CASZ1: variants seen among roughly 807,000 people sequenced by gnomAD.
The protein encoded by CASZ1 is castor zinc finger 1.
CASZ1 carries 28 observed loss-of-function variants against 135.2 expected under a neutral mutation model. That is an observed-to-expected ratio of 0.21 (90% CI 0.15 to 0.28). The LOEUF (loss-of-function observed/expected upper bound fraction) is 0.28. Among genes scored for constraint, CASZ1 ranks in the 10% least tolerant of loss-of-function variants. CASZ1 has a pLI of 1.00. For synonymous variants in CASZ1, 1,068 were observed against 1,073.4 expected (o/e 0.99, Z 0.10); for missense variants, 2,161 against 2,453.3 (o/e 0.88, Z 2.52).
intron 2 of CASZ1, among the ~76,000 whole-genome samples, chr1:10,753,085 A>AT (rs1221795755): frequency 4.6e-5 from 7 of 152,262 alleles, no homozygotes; most frequent in African/African-American, 1.7e-4. Flanking sequence ...CTATTTTCAT[A>AT]TAAGTATGTC....
At position 10,741,790 on chromosome 1, in the gene CASZ1, T is replaced by TTATATTTTTATATA. The variant is rs1553138511; in HGVS notation, c.-77+18910_-77+18911insTATATAAAAATATA. Among the ~76,000 whole-genome samples, 2 of 151,280 alleles carry TTATATTTTTATATA rather than the reference T, an allele frequency of 1.3e-5. No homozygotes were observed. Among genetic ancestry groups the TTATATTTTTATATA allele is most frequent in the East Asian group, 3.9e-4 (2 of 5,154 alleles). On this transcript the variant is annotated intron_variant, in intron 2 of 20. Transcript: ENST00000377022. The surrounding 1 kb of genome is among the most constrained non-coding windows in gnomAD (Gnocchi z 5.0). ...CTTTACAAACGACTTTTATACATAT[T>TTATATTTTTATATA]TATATATATATATAGTTATATATTA...
chr1:10,699,760 T>G lies in CASZ1; in HGVS notation c.-24+5732A>C, dbSNP rs541489738. Among the ~76,000 whole-genome samples the G allele has an allele frequency of 2.0e-5, 3 of 152,272 alleles. No individual in the cohort carries two copies. The highest frequency in any genetic ancestry group is 3.9e-4 in the East Asian group (2 of 5,188). Reference sequence around the variant, plus strand: ...CCAAAATCCAACAGACTGATTCTCTTGTGTCTCCCTTCCCCTTTGTCTCAC... The same window carrying G: ...CCAAAATCCAACAGACTGATTCTCTGGTGTCTCCCTTCCCCTTTGTCTCAC... On this transcript the variant is annotated intron_variant, in intron 3 of 20. Transcript: ENST00000377022. This position sits in a 1 kb window ranked among gnomAD's most constrained non-coding sequence, Gnocchi z 4.6.
chr1:10,643,057 AGGG>A (rs1642258166), intron 19 of CASZ1, 57 bp from the exon 20 acceptor site: 4 of 1,591,952 alleles, frequency 2.5e-6, no homozygotes. Context: ...CTGCCCACAG[AGGG>A]CAGGCTGAGG....
intron 20 of CASZ1, among the ~76,000 whole-genome samples, chr1:10,641,519 G>A (rs1244256049): frequency 6.6e-6 from 1 of 152,208 alleles, no homozygotes; most frequent in Non-Finnish European, 1.5e-5. Flanking sequence ...AGCACTGCCG[G>A]GGCCTGAGTC....
At position 10,666,871 on chromosome 1, in the gene CASZ1, T is replaced by G. The variant is rs1245382963; in HGVS notation, c.17-1300A>C. 6.6e-6 allele frequency among the ~76,000 whole-genome samples: 1 copy of G among 152,260 alleles called. No homozygotes were observed. Among genetic ancestry groups the G allele is most frequent in the African/African-American group, 2.4e-5 (1 of 41,466 alleles). On this transcript the variant is annotated intron_variant, in intron 4 of 20. Transcript: ENST00000377022. The surrounding 1 kb of genome is among the most constrained non-coding windows in gnomAD (Gnocchi z 5.2). ...GTCCGTCCATTTAGTGAGCTCCTTCTGTGGGCCAGACCCTGTGGTGGGGCT... is the reference window on the plus strand; with the variant it reads ...GTCCGTCCATTTAGTGAGCTCCTTCGGTGGGCCAGACCCTGTGGTGGGGCT...
At chr1:10,651,127 G>C (rs754699297) in intron 11 of CASZ1, 51 bp from the exon 12 acceptor site, 1 of 1,413,270 alleles carries the variant, frequency 7.1e-7, no homozygotes, top group Non-Finnish European at 9.2e-7. Context: ...GGCCTGGCCC[G>C]GGCACAGACA....
chr1:10,648,227 C>G, intron 15 of CASZ1, 88 bp from the exon 16 acceptor site: 1 of 968,646 alleles, frequency 1.0e-6, no homozygotes, highest in Non-Finnish European at 1.5e-6. Context: ...AGGCCTAGAC[C>G]CCGGTGTCCG....
chr1:10,708,684 C>T (rs1195960323), intron 2 of CASZ1, among the ~76,000 whole-genome samples: 1 of 152,124 alleles, frequency 6.6e-6, no homozygotes, highest in Non-Finnish European at 1.5e-5. Context: ...CTGAGCCCGG[C>T]AGCCCTGGGC....
rs1363346845 is a variant in CASZ1, at chr1:10,697,395, G to A, written c.-23-3483C>T. 6.6e-6 allele frequency among the ~76,000 whole-genome samples: 1 copy of A among 152,140 alleles called. No individual in the cohort carries two copies. Among genetic ancestry groups the A allele is most frequent in the African/African-American group, 2.4e-5 (1 of 41,418 alleles). The stretch of plus-strand genomic sequence containing the variant: ...CTTCATGCCCGGGACTCAAGGGATG[G>A]AAGTCCAATGCCATAATCTCTTCTG... On this transcript the variant is annotated intron_variant, in intron 3 of 20. Coordinates refer to ENST00000377022, the MANE Select transcript of CASZ1 (RefSeq NM_001079843.3). The surrounding 1 kb of genome is among the most constrained non-coding windows in gnomAD (Gnocchi z 4.7).
In CASZ1 at chr1:10,639,298, C is replaced by T; in HGVS notation, c.4924G>A (p.Ala1642Thr). 11 of 1,352,776 alleles carry T rather than the reference C, an allele frequency of 8.1e-6. No homozygotes were observed. Among genetic ancestry groups the T allele is most frequent in the Non-Finnish European group, 1.0e-5 (11 of 1,058,402 alleles). 83.8% of individuals were successfully genotyped at this position (1,352,776 alleles called of 1,614,324 possible). The part of the protein sequence containing the change: ...LQSAAAGLGL[A>T]LGDAGDPGPP... The stretch of plus-strand genomic sequence containing the variant: ...CCGGGGTCGCCCGCGTCGCCCAGCG[C>T]CAGGCCCAGGCCGGCGGCCGCCGAC... Residue 1642 changes from alanine to threonine, a missense_variant, in exon 21 of 21, where the codon GCG (alanine) becomes ACG (threonine). Ala to Thr is a moderately conservative substitution (Grantham distance 58). Coordinates refer to ENST00000377022, the MANE Select transcript of CASZ1 (RefSeq NM_001079843.3). This position sits in a 1 kb window ranked among gnomAD's most constrained non-coding sequence, Gnocchi z 4.0.
chr1:10,779,972 A>T (rs1640734173), intron 1 of CASZ1, among the ~76,000 whole-genome samples: 1 of 152,080 alleles, frequency 6.6e-6, no homozygotes, highest in Non-Finnish European at 1.5e-5. Flanking sequence ...TACCTGGAAG[A>T]GGGGCAGAGG....
intron 2 of CASZ1, among the ~76,000 whole-genome samples, chr1:10,758,092 G>A (rs1352094618): frequency 6.6e-6 from 1 of 152,140 alleles, no homozygotes; most frequent in East Asian, 1.9e-4. Context: ...TTCAATCTCA[G>A]CTAAATGTCA....
In CASZ1 at chr1:10,757,657, G is replaced by A. The variant is rs565376060; in HGVS notation, c.-77+3044C>T. Reference sequence around the variant, plus strand: ...ACTAAAATTAGCCAGGCATGGTGGCGCTTGCCTATAATCCCAGCCACTCGA... The same window carrying A: ...ACTAAAATTAGCCAGGCATGGTGGCACTTGCCTATAATCCCAGCCACTCGA... On this transcript the variant is annotated intron_variant, in intron 2 of 20. Coordinates refer to ENST00000377022, the MANE Select transcript of CASZ1 (RefSeq NM_001079843.3). The surrounding 1 kb of genome is among the most constrained non-coding windows in gnomAD (Gnocchi z 4.6). Among the ~76,000 whole-genome samples the A allele has an allele frequency of 3.9e-5, 6 of 152,216 alleles. No homozygotes were observed. The highest frequency in any genetic ancestry group is 5.9e-5 in the Non-Finnish European group (4 of 68,010).
chr1:10,730,918 C>A (rs1302023303), intron 2 of CASZ1, among the ~76,000 whole-genome samples: 1 of 151,492 alleles, frequency 6.6e-6, no homozygotes, highest in Non-Finnish European at 1.5e-5. Context: ...CCAGCCTGGA[C>A]AACATAGTGA....
At chr1:10,710,793 C>T (rs1639270120) in intron 2 of CASZ1, among the ~76,000 whole-genome samples, 2 of 152,264 alleles carry the variant, frequency 1.3e-5, no homozygotes, top group Non-Finnish European at 2.9e-5. Context: ...TCACTGAGCA[C>T]ACACTGTGTG....
chr1:10,666,338 G>T lies in CASZ1; in HGVS notation c.17-767C>A, dbSNP rs1251837864. ...TCCAGCCCTTGCCAGCCCCCTCTTG[G>T]CCTCTCTGTCCATTTCCTGTTGCCA... On this transcript the variant is annotated intron_variant, in intron 4 of 20. Transcript: ENST00000377022. This position sits in a 1 kb window ranked among gnomAD's most constrained non-coding sequence, Gnocchi z 5.2. Among the ~76,000 whole-genome samples the T allele has an allele frequency of 1.3e-5, 2 of 152,070 alleles. No individual in the cohort carries two copies. Among genetic ancestry groups the T allele is most frequent in the Non-Finnish European group, 2.9e-5 (2 of 68,000 alleles).
intron 4 of CASZ1, among the ~76,000 whole-genome samples, chr1:10,668,034 G>A (rs1643289710): frequency 6.6e-6 from 1 of 152,212 alleles, no homozygotes; most frequent in African/African-American, 2.4e-5. Flanking sequence ...CCTTCCAGAT[G>A]CTGCCCTCCC....
chr1:10,661,165 G>A (rs1051267955), intron 5 of CASZ1: 1 of 154,634 alleles, frequency 6.5e-6, no homozygotes, highest in African/African-American at 2.4e-5. Flanking sequence ...GCTCAGCCAG[G>A]GGCGCAGGTG....
intron 1 of CASZ1, among the ~76,000 whole-genome samples, chr1:10,778,057 G>A (rs114932695): frequency 0.027 from 3,941 of 147,968 alleles, 67 homozygotes; most frequent in Non-Finnish European, 0.04. Context: ...ACAATTTCAC[G>A]CAAAATCTCA....
Sources: gnomAD v4.1 joint callset for allele counts (sites outside exome capture counted in the v4.1 genomes callset) on GRCh38, gnomAD v4.1.1 for gene constraint, Gnocchi (gnomAD v3.1) non-coding constraint, MANE v1.5 for transcripts, NCBI Gene and HGNC (gene_info 2026-07-23, HGNC 2026-07-21) for gene names.